Variants in MEF2C observed in about 807,000 individuals in gnomAD.
The protein encoded by MEF2C is myocyte enhancer factor 2C, also known as myocyte-specific enhancer factor 2C.
In MEF2C, 6 loss-of-function variants were observed where a neutral mutation model predicts 50.5. The ratio of observed to expected loss-of-function variants is 0.12; its 90% CI spans 0.07 to 0.23. The LOEUF (loss-of-function observed/expected upper bound fraction) is 0.23. Ranked by LOEUF, MEF2C falls within the 10% of genes least tolerant of loss-of-function variation. MEF2C has a pLI of 1.00. For synonymous variants in MEF2C, 183 were observed against 228.0 expected (o/e 0.80, Z 1.78); for missense variants, 276 against 605.0 (o/e 0.46, Z 5.70).
intron 6 of MEF2C, chr5:88,735,158 A>C (rs747577753): frequency 9.9e-5 from 98 of 985,276 alleles, no homozygotes; most frequent in Non-Finnish European, 1.2e-4. Context: ...ACTGCTAAGA[A>C]GAGCCTGCAT....
intron 3 of MEF2C, among the ~76,000 whole-genome samples, chr5:88,801,561 C>T (rs931614735): frequency 6.6e-6 from 1 of 151,484 alleles, no homozygotes; most frequent in African/African-American, 2.4e-5. Context: ...GGCGCGATCT[C>T]GGCTTGCTGC....
intron 3 of MEF2C, among the ~76,000 whole-genome samples, chr5:88,775,279 T>C (rs1784245578): frequency 6.6e-6 from 1 of 152,182 alleles, no homozygotes; most frequent in African/African-American, 2.4e-5. Flanking sequence ...TGGACTCACA[T>C]TGCAGTTCCT....
rs181041649 is a variant in MEF2C at position 88,779,496 on chromosome 5, C to G, written c.259-18168G>C. 7.2e-5 allele frequency among the ~76,000 whole-genome samples: 11 copies of G among 152,192 alleles called. No individual in the cohort carries two copies. The East Asian group carries it at 2.1e-3, about 29-fold the overall frequency. On this transcript the variant is annotated intron_variant, in intron 3 of 10. Coordinates refer to ENST00000504921, the MANE Select transcript of MEF2C (RefSeq NM_002397.5). ...CAATGAAAGTTTTGTTGATCTGACACAGGAACTTGTGCACAGTGAAATGGA... is the reference window on the plus strand; with the variant it reads ...CAATGAAAGTTTTGTTGATCTGACAGAGGAACTTGTGCACAGTGAAATGGA...
chr5:88,766,488 G>T (rs957872666), intron 3 of MEF2C: 2 of 203,106 alleles, frequency 9.8e-6, no homozygotes, highest in South Asian at 1.7e-4. Context: ...ATTATATGAA[G>T]CTGTATTTTT....
intron 1 of MEF2C, among the ~76,000 whole-genome samples, chr5:88,843,715 T>C (rs1818262503): frequency 6.6e-6 from 1 of 152,048 alleles, no homozygotes; most frequent in South Asian, 2.1e-4. Context: ...TATTTCAAGT[T>C]GGAAACACAG....
At chr5:88,849,537 T>A (rs1439366076) in intron 1 of MEF2C, among the ~76,000 whole-genome samples, 1 of 152,230 alleles carries the variant, frequency 6.6e-6, no homozygotes, top group African/African-American at 2.4e-5. Flanking sequence ...CTATTTAATC[T>A]GTGTCTTAAG....
chr5:88,899,706 C>A (rs908297721), intron 1 of MEF2C, among the ~76,000 whole-genome samples: 2 of 152,108 alleles, frequency 1.3e-5, no homozygotes, highest in Non-Finnish European at 2.9e-5. Flanking sequence ...ACTTGCCTAT[C>A]TTTCAAATTG....
At chr5:88,786,627 A>G (rs941878067) in intron 3 of MEF2C, among the ~76,000 whole-genome samples, 2 of 152,250 alleles carry the variant, frequency 1.3e-5, no homozygotes, top group Admixed American at 6.5e-5. Flanking sequence ...TAGAAAAACC[A>G]TACATTAAAA....
chr5:88,734,134 T>G (rs1762849786), intron 6 of MEF2C: 3 of 984,820 alleles, frequency 3.0e-6, no homozygotes, highest in African/African-American at 3.5e-5. Flanking sequence ...GAATCATTAT[T>G]GTGAATATGT....
intron 5 of MEF2C, chr5:88,749,507 G>A (rs1249797018): frequency 1.0e-6 from 1 of 984,236 alleles, no homozygotes; most frequent in East Asian, 1.1e-4. Flanking sequence ...TATGTTTTAT[G>A]CCATTAATTT....
At chr5:88,862,239 C>T (rs1286799834) in intron 1 of MEF2C, among the ~76,000 whole-genome samples, 1 of 152,102 alleles carries the variant, frequency 6.6e-6, no homozygotes, top group Non-Finnish European at 1.5e-5. Flanking sequence ...CAATCTTTTT[C>T]TATAGAATTT....
intron 1 of MEF2C, among the ~76,000 whole-genome samples, chr5:88,869,278 C>CATATATATATATATATATATATATATAT (rs57717988): frequency 2.1e-5 from 1 of 48,602 alleles, no homozygotes; most frequent in Non-Finnish European, 4.3e-5. Flanking sequence ...TATATATATA[C>CATATATATATATATATATATATATATAT]ATATATATAT....
chr5:88,816,490 T>TTTTTTTTTTG (rs397998598), intron 2 of MEF2C, among the ~76,000 whole-genome samples: 1 of 126,622 alleles, frequency 7.9e-6, no homozygotes, highest in Non-Finnish European at 1.6e-5. Context: ...TTTTTTTTTT[T>TTTTTTTTTTG]AATTTGGAAA....
In MEF2C at chr5:88,722,650, C is replaced by T; in HGVS notation, c.1376G>A (p.Ser459Asn). The T allele has an allele frequency of 6.2e-7, 1 of 1,613,564 alleles. No individual in the cohort carries two copies. The highest frequency in any genetic ancestry group is 8.5e-7 in the Non-Finnish European group (1 of 1,179,850). Residue 459 changes from serine to asparagine, a missense_variant, in exon 11 of 11, where the codon AGT becomes AAT. By Grantham distance (46) the Ser-to-Asn change is conservative (BLOSUM62 1). Around this residue, in one of 2 missense-constraint regions of MEF2C, gnomAD observed 256 missense variants for 468.1 expected, o/e 0.55. Coordinates refer to ENST00000504921, the MANE Select transcript of MEF2C (RefSeq NM_002397.5). ...LTRPSPDERE[S>N]PSVKRMRLSE... ...AAGTCGCATGCGCTTGACTGAGGGA[C>T]TTTCCCTTTCGTCCGGCGAAGGTCT...
At position 88,729,201 on chromosome 5, in the gene MEF2C, A is replaced by G. The variant is rs1288734752; in HGVS notation, c.964+17T>C. On this transcript the variant is annotated intron_variant, in intron 9 of 10. Coordinates refer to ENST00000504921, the MANE Select transcript of MEF2C (RefSeq NM_002397.5). Reference sequence around the variant, plus strand: ...AAAGTATTTAGTGTACTAATTGCACATGACAAAGCTACTCACCGGTACCAT... The same window carrying G: ...AAAGTATTTAGTGTACTAATTGCACGTGACAAAGCTACTCACCGGTACCAT... 1 of 1,612,588 alleles carries G rather than the reference A, an allele frequency of 6.2e-7. No individual in the cohort carries two copies. The highest frequency in any genetic ancestry group is 8.5e-7 in the Non-Finnish European group (1 of 1,179,008).
intron 5 of MEF2C, chr5:88,751,075 A>G: frequency 2.0e-6 from 2 of 982,970 alleles, no homozygotes; most frequent in Non-Finnish European, 2.4e-6. Flanking sequence ...TCCTACTGTT[A>G]GTTTAGCAAA....
intron 1 of MEF2C, among the ~76,000 whole-genome samples, chr5:88,871,388 C>T (rs1417314406): frequency 6.6e-6 from 1 of 151,778 alleles, no homozygotes; most frequent in Non-Finnish European, 1.5e-5. Flanking sequence ...CTTTTAGAGG[C>T]GTCCTTGATT....
At position 88,722,397 on chromosome 5, in the gene MEF2C, C is replaced by G. The variant is rs1756624065; in HGVS notation, c.*207G>C. The G allele has an allele frequency of 1.9e-6, 1 of 535,978 alleles. No homozygotes were observed. Among genetic ancestry groups the G allele is most frequent in the Non-Finnish European group, 3.3e-6 (1 of 303,746 alleles). The allele number at this position is 535,978 out of a possible 1,614,324, so 33.2% of individuals were successfully genotyped here. On this transcript the variant is annotated 3_prime_UTR_variant, in exon 11 of 11. Coordinates refer to ENST00000504921, the MANE Select transcript of MEF2C (RefSeq NM_002397.5). ...TGTACAAGTGTTCTGTTGTACAACT[C>G]AAGTGCTAAGCTTATCTCAGCATTT...
intron 10 of MEF2C, among the ~76,000 whole-genome samples, chr5:88,726,381 A>G (rs1039954342): frequency 6.6e-6 from 1 of 152,208 alleles, no homozygotes; most frequent in African/African-American, 2.4e-5. Context: ...GAATTACTTT[A>G]CATAAGTATT....
Sources: gnomAD v4.1 joint callset for allele counts (sites outside exome capture counted in the v4.1 genomes callset) on GRCh38, gnomAD v4.1.1 for gene constraint, gnomAD v4.1.1 regional missense constraint, MANE v1.5 for transcripts, NCBI Gene and HGNC (gene_info 2026-07-23, HGNC 2026-07-21) for gene names.